Variants in SRPK2 observed in about 807,000 individuals in gnomAD.
SRPK2 encodes the protein SFRS protein kinase 2.
A neutral mutation model predicts 90.8 loss-of-function variants in SRPK2; 21 were observed. The ratio of observed to expected loss-of-function variants is 0.23; its 90% CI spans 0.16 to 0.33. The LOEUF (loss-of-function observed/expected upper bound fraction) is 0.33. Ranked by LOEUF, SRPK2 falls within the 10% of genes least tolerant of loss-of-function variation. The pLI, the probability that SRPK2 is intolerant of heterozygous loss-of-function variation, is 1.00. For missense variants in SRPK2, 620 were observed against 869.0 expected (o/e 0.71, Z 3.60); for synonymous variants, 288 against 311.1 (o/e 0.93, Z 0.78).
chr7:105,126,879 G>T, intron 14 of SRPK2, 114 bp downstream of exon 14: 2 of 1,010,698 alleles, frequency 2.0e-6, no homozygotes, highest in Middle Eastern at 2.1e-4. Flanking sequence ...TCTGAATTTG[G>T]TGTTTGAAAA....
At chr7:105,264,515 C>T (rs573957986) in intron 2 of SRPK2, among the ~76,000 whole-genome samples, 34 of 152,238 alleles carry the variant, frequency 2.2e-4, no homozygotes, top group South Asian at 1.9e-3. Flanking sequence ...TTTCCCTCTC[C>T]GCTTCTCTCC....
intron 2 of SRPK2, among the ~76,000 whole-genome samples, chr7:105,325,231 A>G (rs1055909990): frequency 4.6e-5 from 7 of 152,292 alleles, no homozygotes; most frequent in African/African-American, 1.7e-4. Context: ...ACTAGTGGCT[A>G]TGCTTTCAGA....
intron 2 of SRPK2, among the ~76,000 whole-genome samples, chr7:105,288,556 T>C (rs1808491416): frequency 6.6e-6 from 1 of 152,092 alleles, no homozygotes; most frequent in African/African-American, 2.4e-5. Context: ...AATGCGCCAT[T>C]GCACTCCAGC....
At chr7:105,287,980 C>CA (rs1351874895) in intron 2 of SRPK2, among the ~76,000 whole-genome samples, 1 of 152,136 alleles carries the variant, frequency 6.6e-6, no homozygotes, top group Non-Finnish European at 1.5e-5. Context: ...ACACTGCCAT[C>CA]ACACCATTAT....
intron 2 of SRPK2, among the ~76,000 whole-genome samples, chr7:105,364,233 A>C (rs1818759573): frequency 6.6e-6 from 1 of 152,130 alleles, no homozygotes; most frequent in Non-Finnish European, 1.5e-5. Flanking sequence ...AGTCATGCAC[A>C]TCTGGACAGT....
chr7:105,155,786 C>G (rs902849920), intron 7 of SRPK2, among the ~76,000 whole-genome samples: 25 of 151,996 alleles, frequency 1.6e-4, no homozygotes, highest in African/African-American at 4.4e-4. Context: ...TTCTGGCAGC[C>G]TAGAACAAAA....
At position 105,141,182 on chromosome 7, in the gene SRPK2, A is replaced by G. The variant is rs148377330; in HGVS notation, c.1543+826T>C. On this transcript the variant is annotated intron_variant, in intron 11 of 15. Coordinates refer to ENST00000393651, the MANE Select transcript of SRPK2 (RefSeq NM_182692.3). The stretch of plus-strand genomic sequence containing the variant: ...GGATTCATCATAGCCAGTGCGTAAC[A>G]AAGCCAGCTTACTCGGCGTGCAATT... 2.0e-5 allele frequency among the ~76,000 whole-genome samples: 3 copies of G among 152,318 alleles called. 1 individual carries two copies. Among genetic ancestry groups the G allele is most frequent in the East Asian group, 3.9e-4 (2 of 5,180 alleles).
At chr7:105,171,251 T>C (rs891690831) in intron 3 of SRPK2, among the ~76,000 whole-genome samples, 1 of 152,216 alleles carries the variant, frequency 6.6e-6, no homozygotes, top group Non-Finnish European at 1.5e-5. Flanking sequence ...ATGGATAATA[T>C]GGTACACTTT....
At chr7:105,289,544 A>T (rs1808667354) in intron 2 of SRPK2, among the ~76,000 whole-genome samples, 1 of 152,176 alleles carries the variant, frequency 6.6e-6, no homozygotes, top group African/African-American at 2.4e-5. Context: ...GAGCCCAGGA[A>T]TTCAAAGCCA....
In SRPK2 at chr7:105,159,466, A is replaced by AAAAAAAAAAAC. The variant is rs1316365933; in HGVS notation, c.621+1040_621+1041insGTTTTTTTTTT. ...CCGTCTCCAAAAAAAAAAAAAAAAA[A>AAAAAAAAAAAC]AAAAAAACCGTACAAAAGGAAGAAG... is the stretch of plus-strand genomic sequence containing the variant. On this transcript the variant is annotated intron_variant, in intron 7 of 15. Coordinates refer to ENST00000393651, the MANE Select transcript of SRPK2 (RefSeq NM_182692.3). Among the ~76,000 whole-genome samples the AAAAAAAAAAAC allele has an allele frequency of 1.1e-3, 124 of 114,274 alleles. 8 individuals carry two copies. Among genetic ancestry groups the AAAAAAAAAAAC allele is most frequent in the South Asian group, 2.2e-3 (8 of 3,686 alleles). The allele number at this position is 114,274 out of a possible 152,430, so 75.0% of individuals were successfully genotyped here. A position where few individuals can be genotyped will look rare whatever the true frequency, so the allele number is the denominator to read the frequency against.
At chr7:105,295,205 C>T (rs1355311261) in intron 2 of SRPK2, among the ~76,000 whole-genome samples, 2 of 71,576 alleles carry the variant, frequency 2.8e-5, no homozygotes, top group Admixed American at 1.4e-4. Context: ...AGCGAGAACC[C>T]GTCTCAAAAA....
rs566812827 is a variant in SRPK2, at chr7:105,249,495, GA to G, written c.72-45711del. On this transcript the variant is annotated intron_variant, in intron 2 of 15. Coordinates refer to ENST00000393651, the MANE Select transcript of SRPK2 (RefSeq NM_182692.3). Reference sequence around the variant, plus strand: ...TCATTCTTGGTTTTCTTAAAGAACAGAAAAAAAAAAACTGGTCAAATTCCTT... The same window carrying G: ...TCATTCTTGGTTTTCTTAAAGAACAGAAAAAAAAAACTGGTCAAATTCCTT... 9.6e-5 allele frequency among the ~76,000 whole-genome samples: 14 copies of G among 145,208 alleles called. No individual in the cohort carries two copies. The East Asian group carries it at 9.9e-4, about 10-fold the overall frequency.
intron 2 of SRPK2, among the ~76,000 whole-genome samples, chr7:105,341,021 A>G (rs1815709791): frequency 6.6e-6 from 1 of 152,204 alleles, no homozygotes. Flanking sequence ...AAAAGCATGC[A>G]TTGGGGAAAA....
intron 2 of SRPK2, among the ~76,000 whole-genome samples, chr7:105,210,848 C>A (rs1423107387): frequency 1.3e-5 from 2 of 152,156 alleles, no homozygotes; most frequent in African/African-American, 2.4e-5. Context: ...TGAACTAGGG[C>A]CACAGAGAGC....
At chr7:105,364,345 T>C (rs1818772020) in intron 2 of SRPK2, among the ~76,000 whole-genome samples, 1 of 151,944 alleles carries the variant, frequency 6.6e-6, no homozygotes, top group Non-Finnish European at 1.5e-5. Context: ...CATGATGGTC[T>C]CTCTATTGAG....
At chr7:105,398,109 G>A (rs924795463) in intron 1 of SRPK2, among the ~76,000 whole-genome samples, 1 of 152,066 alleles carries the variant, frequency 6.6e-6, no homozygotes, top group Non-Finnish European at 1.5e-5. Context: ...GGTCTCCATA[G>A]CAGTCCAAAA....
rs577025613 is a variant in SRPK2 at position 105,377,531 on chromosome 7, GA to G, written c.71+11116del. Among the ~76,000 whole-genome samples, 705 of 145,816 alleles carry G rather than the reference GA, an allele frequency of 4.8e-3. 11 individuals are homozygous for G. In the East Asian group the frequency reaches 0.057, roughly 12 times the overall value. On this transcript the variant is annotated intron_variant, in intron 2 of 15. Transcript: ENST00000393651. ...AACATGGTGAAACCCCATCTCAACT[GA>G]AAAAAAAAAATACAAAAATTAGCCA...
intron 3 of SRPK2, among the ~76,000 whole-genome samples, chr7:105,170,843 GAAAGAAAGA>G (rs1563025051): frequency 1.1e-3 from 11 of 10,046 alleles, no homozygotes; most frequent in Non-Finnish European, 9.1e-4. Flanking sequence ...AAGGAAGAAA[GAAAGAAAGA>G]AAGAAAGAAA....
At chr7:105,397,626 CCTAGAGTGA>C (rs1822368705) in intron 1 of SRPK2, among the ~76,000 whole-genome samples, 1 of 151,822 alleles carries the variant, frequency 6.6e-6, no homozygotes, top group South Asian at 2.1e-4. Flanking sequence ...CCACACCTGG[CCTAGAGTGA>C]TATTTTAAAG....
Sources: gnomAD v4.1 joint callset for allele counts (sites outside exome capture counted in the v4.1 genomes callset) on GRCh38, gnomAD v4.1.1 for gene constraint, MANE v1.5 for transcripts, NCBI Gene and HGNC (gene_info 2026-07-23, HGNC 2026-07-21) for gene names.